TWSG1: variants seen among roughly 807,000 people sequenced by gnomAD.
TWSG1 encodes twisted gastrulation protein homolog 1.
Under a neutral mutation model 23.0 loss-of-function variants are expected in TWSG1, and 15 were observed. The ratio of observed to expected loss-of-function variants is 0.65; its 90% CI spans 0.44 to 1.00. TWSG1 has a LOEUF of 1.00. TWSG1 is among the 50% of genes least tolerant of loss of function. The pLI is 0.00. For synonymous variants in TWSG1, 86 were observed against 92.8 expected, an observed-to-expected ratio of 0.93 and a Z score of 0.42; for missense variants, 242 against 278.7, an observed-to-expected ratio of 0.87 and a Z score of 0.94.
intron 3 of TWSG1, among the ~76,000 whole-genome samples, chr18:9,381,786 A>G (rs1333140593): frequency 1.3e-5 from 2 of 152,110 alleles, no homozygotes; most frequent in African/African-American, 4.8e-5. Flanking sequence ...ATATTTTTCA[A>G]CCTATTTTTG....
chr18:9,385,813 TAAC>T (rs1434976561), intron 3 of TWSG1, among the ~76,000 whole-genome samples: 5 of 152,098 alleles, frequency 3.3e-5, no homozygotes, highest in Non-Finnish European at 5.9e-5. Flanking sequence ...TAGAAAAAGT[TAAC>T]AAAGTATCAT....
chr18:9,360,408 A>C (rs1018731693), intron 3 of TWSG1, among the ~76,000 whole-genome samples: 9 of 152,142 alleles, frequency 5.9e-5, no homozygotes, highest in African/African-American at 1.9e-4. Context: ...AAGAAGAAAC[A>C]TTCTCCAAGA....
chr18:9,363,111 G>T (rs958477467), intron 3 of TWSG1, among the ~76,000 whole-genome samples: 1 of 152,140 alleles, frequency 6.6e-6, no homozygotes, highest in African/African-American at 2.4e-5. Flanking sequence ...ACAAATTAGA[G>T]TGCAGCCTTC....
At chr18:9,366,094 A>G (rs2040577466) in intron 3 of TWSG1, among the ~76,000 whole-genome samples, 1 of 152,250 alleles carries the variant, frequency 6.6e-6, no homozygotes, top group Non-Finnish European at 1.5e-5. Flanking sequence ...CCTGTTTAGC[A>G]TGTCGTGGAA....
intron 1 of TWSG1, among the ~76,000 whole-genome samples, chr18:9,335,602 C>T (rs2040419454): frequency 6.6e-6 from 1 of 152,158 alleles, no homozygotes; most frequent in Non-Finnish European, 1.5e-5. Context: ...TCCAAATAAC[C>T]TTATTTGGCC....
At chr18:9,354,203 T>C (rs1292891331) in intron 2 of TWSG1, among the ~76,000 whole-genome samples, 1 of 152,196 alleles carries the variant, frequency 6.6e-6, no homozygotes, top group Non-Finnish European at 1.5e-5. Flanking sequence ...TTGTATAAAT[T>C]TCATGACTTC....
chr18:9,399,151 T>C (rs981032256), intron 4 of TWSG1, among the ~76,000 whole-genome samples, 195 bp from the exon 5 acceptor site: 22 of 152,112 alleles, frequency 1.4e-4, no homozygotes, highest in Admixed American at 5.9e-4. Context: ...TCAGATGGAG[T>C]GGGAGAATCT....
intron 4 of TWSG1, among the ~76,000 whole-genome samples, chr18:9,398,710 C>T (rs62087495): frequency 0.062 from 9,483 of 152,168 alleles, 333 homozygotes; most frequent in Non-Finnish European, 0.08. Flanking sequence ...CCACCTGCCT[C>T]GGCCTCCCAA....
At chr18:9,391,141 G>T (rs1045381460) in intron 3 of TWSG1, among the ~76,000 whole-genome samples, 3 of 152,328 alleles carry the variant, frequency 2.0e-5, no homozygotes, top group African/African-American at 2.4e-5. Context: ...AGTAGGAGTA[G>T]ATTCCATCTC....
chr18:9,351,802 C>G (rs1276223905), intron 2 of TWSG1, among the ~76,000 whole-genome samples: 1 of 151,648 alleles, frequency 6.6e-6, no homozygotes, highest in Non-Finnish European at 1.5e-5. Context: ...GCATCACCAC[C>G]CCCAGCTAAT....
At chr18:9,362,954 T>G (rs2040559202) in intron 3 of TWSG1, among the ~76,000 whole-genome samples, 1 of 152,216 alleles carries the variant, frequency 6.6e-6, no homozygotes, top group African/African-American at 2.4e-5. Flanking sequence ...TCCAGTTCTA[T>G]TTATACAGCA....
chr18:9,345,935 T>C (rs2040475024), intron 2 of TWSG1, among the ~76,000 whole-genome samples: 1 of 152,214 alleles, frequency 6.6e-6, no homozygotes, highest in African/African-American at 2.4e-5. Flanking sequence ...ATTAACATCT[T>C]GCATCTGTGT....
intron 3 of TWSG1, among the ~76,000 whole-genome samples, chr18:9,389,815 A>G (rs1242942351): frequency 6.6e-6 from 1 of 152,252 alleles, no homozygotes; most frequent in African/African-American, 2.4e-5. Flanking sequence ...TTAGCTTTCA[A>G]AAGTATAGCC....
intron 3 of TWSG1, among the ~76,000 whole-genome samples, chr18:9,392,954 T>A (rs2040719256): frequency 6.6e-6 from 1 of 152,182 alleles, no homozygotes; most frequent in South Asian, 2.1e-4. Flanking sequence ...CAGTTATCAG[T>A]TGAGCTTGCA....
intron 3 of TWSG1, among the ~76,000 whole-genome samples, chr18:9,392,053 G>A (rs1007309777): frequency 4.6e-5 from 7 of 152,198 alleles, no homozygotes; most frequent in African/African-American, 1.4e-4. Context: ...TAAATCTTAT[G>A]GATGCCCTAG....
At chr18:9,371,865 C>T (rs1026511755) in intron 3 of TWSG1, among the ~76,000 whole-genome samples, 2 of 151,010 alleles carry the variant, frequency 1.3e-5, no homozygotes, top group African/African-American at 2.4e-5. Flanking sequence ...TCCGCCTCCC[C>T]GGTGATTCTC....
In TWSG1 at chr18:9,396,803, G is replaced by A. The variant is rs1598837138; in HGVS notation, c.490+257G>A. The A allele has an allele frequency of 7.3e-6, 4 of 550,752 alleles. No individual in the cohort carries two copies. The East Asian group carries it at 1.2e-4, about 17-fold the overall frequency. The allele number at this position is 550,752 out of a possible 1,614,324, so 34.1% of individuals were successfully genotyped here. ...CGGCTGGGCGTGGTGGCTCATGCCT[G>A]TAATCCCAGCACTTTGGGAGGCCGA... On this transcript the variant is annotated intron_variant, in intron 4 of 4. Transcript: ENST00000262120.
chr18:9,337,651 C>T (rs376331932), intron 2 of TWSG1, among the ~76,000 whole-genome samples: 11 of 152,220 alleles, frequency 7.2e-5, no homozygotes, highest in Admixed American at 3.3e-4. Context: ...ATCTAATTAA[C>T]ATAGCAAAGA....
intron 3 of TWSG1, among the ~76,000 whole-genome samples, chr18:9,365,062 T>C (rs1275832550): frequency 1.3e-5 from 2 of 152,180 alleles, no homozygotes; most frequent in East Asian, 3.9e-4. Flanking sequence ...GGCTCATTCC[T>C]GTAATTCCAG....
Sources: gnomAD v4.1 joint callset for allele counts (sites outside exome capture counted in the v4.1 genomes callset) on GRCh38, gnomAD v4.1.1 for gene constraint, MANE v1.5 for transcripts, NCBI Gene and HGNC (gene_info 2026-07-23, HGNC 2026-07-21) for gene names.